The following GPC6 variants were observed in gnomAD, a reference collection of about 807,000 sequenced individuals.
The protein encoded by GPC6 is glypican 6.
In GPC6, 14 loss-of-function variants were observed where a neutral mutation model predicts 55.2. The ratio of observed to expected loss-of-function variants is 0.25; its 90% confidence interval spans 0.17 to 0.40. GPC6 has a LOEUF of 0.40. Among genes scored for constraint, GPC6 ranks in the 10% least tolerant of loss-of-function variants. The pLI is 1.00. For synonymous variants in GPC6, 278 were observed against 259.6 expected, an observed-to-expected ratio of 1.07 and a Z score of -0.68; for missense variants, 641 against 708.5, an observed-to-expected ratio of 0.90 and a Z score of 1.08.
chr13:94,344,928 G>T (rs1471579954), intron 6 of GPC6, among the ~76,000 whole-genome samples: 2 of 152,134 alleles, frequency 1.3e-5, no homozygotes, highest in Admixed American at 6.5e-5. Flanking sequence ...TTGAATTAAA[G>T]TTGTTCCTGT....
chr13:93,223,177 A>G (rs1199608862), upstream of GPC6, among the ~76,000 whole-genome samples: 1 of 151,992 alleles, frequency 6.6e-6, no homozygotes, highest in East Asian at 1.9e-4. Flanking sequence ...GAGAAGCAAA[A>G]AAGAAAGGGC....
chr13:93,725,877 T>C (rs1883618533), intron 2 of GPC6, among the ~76,000 whole-genome samples: 2 of 152,114 alleles, frequency 1.3e-5, no homozygotes, highest in African/African-American at 4.8e-5. Context: ...CACTTTATTT[T>C]GTCTCTTTAG....
At chr13:93,371,261 G>T (rs934654296) in intron 1 of GPC6, among the ~76,000 whole-genome samples, 1 of 151,950 alleles carries the variant, frequency 6.6e-6, no homozygotes, top group Non-Finnish European at 1.5e-5. Context: ...ATAGCCTTCC[G>T]GTAGGCATCA....
chr13:93,666,471 T>C (rs1881141617), intron 2 of GPC6, among the ~76,000 whole-genome samples: 1 of 152,140 alleles, frequency 6.6e-6, no homozygotes, highest in Non-Finnish European at 1.5e-5. Flanking sequence ...CAGACAAAAA[T>C]GCCTACTTCA....
intron 3 of GPC6, among the ~76,000 whole-genome samples, chr13:94,025,280 GT>G (rs1467819772): frequency 6.6e-6 from 1 of 152,150 alleles, no homozygotes; most frequent in Non-Finnish European, 1.5e-5. Context: ...AAATCCTGTG[GT>G]AAAGGTTTGC....
At chr13:93,524,017 G>A (rs192842724) in intron 1 of GPC6, among the ~76,000 whole-genome samples, 3 of 152,052 alleles carry the variant, frequency 2.0e-5, no homozygotes, top group African/African-American at 4.8e-5. Context: ...TGGAAAGAGA[G>A]GGGGGAAAGT....
chr13:93,371,302 CAAAGGATTATATTAAATAGGT>C (rs1874642097), intron 1 of GPC6, among the ~76,000 whole-genome samples: 1 of 151,814 alleles, frequency 6.6e-6, no homozygotes, highest in Admixed American at 6.6e-5. Context: ...AGGGAGATTA[CAAAGGATTATATTAAATAGGT>C]TTAATCAGCC....
chr13:93,978,569 G>A (rs976373679), intron 3 of GPC6, among the ~76,000 whole-genome samples: 1 of 152,046 alleles, frequency 6.6e-6, no homozygotes, highest in Non-Finnish European at 1.5e-5. Flanking sequence ...TTATACACAT[G>A]CATACACACA....
intron 4 of GPC6, among the ~76,000 whole-genome samples, chr13:94,040,457 G>A (rs1883491731): frequency 6.6e-6 from 1 of 151,800 alleles, no homozygotes; most frequent in Admixed American, 6.6e-5. Flanking sequence ...CCAAGTTACT[G>A]ATTTAAGAAT....
At chr13:94,323,721 T>G (rs1448584965) in intron 6 of GPC6, among the ~76,000 whole-genome samples, 1 of 152,224 alleles carries the variant, frequency 6.6e-6, no homozygotes, top group Non-Finnish European at 1.5e-5. Context: ...AGATTGCACT[T>G]GAACCCTTTA....
intron 2 of GPC6, among the ~76,000 whole-genome samples, chr13:93,726,831 C>G (rs1464237242): frequency 6.6e-6 from 1 of 152,104 alleles, no homozygotes; most frequent in Non-Finnish European, 1.5e-5. Flanking sequence ...TTAATGTCTT[C>G]CACCTGTAAG....
intron 1 of GPC6, among the ~76,000 whole-genome samples, chr13:93,265,617 A>G (rs1297321588): frequency 6.6e-6 from 1 of 152,158 alleles, no homozygotes; most frequent in East Asian, 1.9e-4. Flanking sequence ...ACCTGAAAAA[A>G]TCTGAAATTT....
intron 2 of GPC6, among the ~76,000 whole-genome samples, chr13:93,744,058 C>T (rs1212825875): frequency 2.6e-5 from 4 of 152,070 alleles, no homozygotes; most frequent in Non-Finnish European, 5.9e-5. Flanking sequence ...CAGATTTATT[C>T]CCTGCTGGAG....
chr13:94,092,524 G>C (rs745329543), intron 4 of GPC6, among the ~76,000 whole-genome samples: 1 of 151,788 alleles, frequency 6.6e-6, no homozygotes, highest in East Asian at 1.9e-4. Flanking sequence ...TTCTTTATCC[G>C]TTCATCTGTT....
At chr13:94,184,802 A>G (rs1048298362) in intron 4 of GPC6, among the ~76,000 whole-genome samples, 2 of 152,210 alleles carry the variant, frequency 1.3e-5, no homozygotes, top group African/African-American at 2.4e-5. Context: ...TATACATGCC[A>G]AGTGAAATAG....
intron 4 of GPC6, among the ~76,000 whole-genome samples, chr13:94,257,866 A>G (rs890866162): frequency 2.6e-5 from 4 of 152,240 alleles, no homozygotes; most frequent in Admixed American, 1.3e-4. Flanking sequence ...GAGACAGACA[A>G]CAAAGAGTGG....
At chr13:93,881,412 A>G (rs929478468) in intron 3 of GPC6, among the ~76,000 whole-genome samples, 1 of 152,108 alleles carries the variant, frequency 6.6e-6, no homozygotes, top group Non-Finnish European at 1.5e-5. Flanking sequence ...ATTGGTAACA[A>G]ACACCTAAAT....
At chr13:94,220,402 C>T (rs1168169599) in intron 4 of GPC6, among the ~76,000 whole-genome samples, 1 of 152,100 alleles carries the variant, frequency 6.6e-6, no homozygotes, top group Admixed American at 6.6e-5. Flanking sequence ...GCAGGATTAG[C>T]ATTCTTCTGA....
chr13:93,771,138 C>G (rs1885277488), intron 2 of GPC6, among the ~76,000 whole-genome samples: 1 of 152,130 alleles, frequency 6.6e-6, no homozygotes, highest in South Asian at 2.1e-4. Context: ...CCAGAATAAG[C>G]AAACAAGTCA....
Sources: gnomAD v4.1 joint callset for allele counts (sites outside exome capture counted in the v4.1 genomes callset) on GRCh38, gnomAD v4.1.1 for gene constraint, MANE v1.5 for transcripts, NCBI Gene and HGNC (gene_info 2026-07-23, HGNC 2026-07-21) for gene names.